Variants in IPO11 observed in about 807,000 individuals in gnomAD.
IPO11 encodes importin-11.
IPO11 carries 66 observed loss-of-function variants against 143.2 expected under a neutral mutation model. That is an observed-to-expected ratio of 0.46 (90% CI 0.38 to 0.57). The LOEUF (loss-of-function observed/expected upper bound fraction) is 0.57, where lower values mean the gene tolerates loss of function less well. Ranked by LOEUF, IPO11 falls within the 20% of genes least tolerant of loss-of-function variation. The pLI, the probability that IPO11 is intolerant of heterozygous loss-of-function variation, is 0.00. For synonymous variants in IPO11, 385 were observed against 377.8 expected (o/e 1.02, Z -0.22); for missense variants, 1,026 against 1,141.0 (o/e 0.90, Z 1.45).
At chr5:62,580,726 C>T (rs1310984188) in intron 27 of IPO11, 3 of 1,551,430 alleles carry the variant, frequency 1.9e-6, no homozygotes, top group Admixed American at 3.9e-5. Context: ...GACTACTGCG[C>T]TAATGATGGC....
chr5:62,551,234 A>G lies in IPO11; in HGVS notation c.2358A>G (p.Val786=), dbSNP rs371162393. The G allele has an allele frequency of 1.3e-5, 20 of 1,593,486 alleles. No homozygotes were observed. Among genetic ancestry groups the G allele is most frequent in the Non-Finnish European group, 1.6e-5 (19 of 1,162,752 alleles). Residue 786 remains valine (V), a synonymous_variant, in exon 26 of 30, where the codon GTA becomes GTG. Coordinates refer to ENST00000325324, the MANE Select transcript of IPO11 (RefSeq NM_016338.5). ...KGIIEGERYP[V]VMSTYLGVMG... Reference sequence around the variant, plus strand: ...TTTTAATTGTACAGAGGTATCCTGTAGTGATGTCCACGTATCTTGGAGTTA... The same window carrying G: ...TTTTAATTGTACAGAGGTATCCTGTGGTGATGTCCACGTATCTTGGAGTTA...
chr5:62,575,399 C>T (rs1037152410), intron 27 of IPO11, among the ~76,000 whole-genome samples: 1 of 152,198 alleles, frequency 6.6e-6, no homozygotes, highest in Non-Finnish European at 1.5e-5. Flanking sequence ...TCAGTACTTA[C>T]AGTCTAGGAC....
intron 29 of IPO11, among the ~76,000 whole-genome samples, chr5:62,607,297 A>G (rs962461270): frequency 6.6e-6 from 1 of 152,162 alleles, no homozygotes; most frequent in Admixed American, 6.6e-5. Flanking sequence ...AGTTGAAACT[A>G]TTTCATAAGG....
intron 24 of IPO11, among the ~76,000 whole-genome samples, chr5:62,548,553 C>T (rs1743288818): frequency 6.6e-6 from 1 of 152,130 alleles, no homozygotes; most frequent in Non-Finnish European, 1.5e-5. Context: ...CTTCGTTCTC[C>T]TGGATTGGGC....
intron 27 of IPO11, chr5:62,576,255 G>T (rs540260399): frequency 1.3e-5 from 2 of 156,586 alleles, no homozygotes; most frequent in South Asian, 1.8e-4. Flanking sequence ...GGCCTTGGAT[G>T]ACAGCCTTCC....
At chr5:62,561,860 A>G (rs1209496632) in intron 27 of IPO11, 1 of 152,202 alleles carries the variant, frequency 6.6e-6, no homozygotes, top group Non-Finnish European at 1.5e-5. Context: ...GTCAGTACCT[A>G]GTTCTCATTC....
chr5:62,494,053 A>C lies in IPO11; in HGVS notation c.1519A>C (p.Lys507Gln). ...GCTCATCGGTCAGTGGATTTCTGTG[A>C]AATTCAAGTCTGACTTAAGACCCAT... ...IWLIGQWISV[K>Q]FKSDLRPMLY... The change falls in exon 16 of 30, where the codon AAA becomes CAA. Residue 507 changes from lysine to glutamine, a missense_variant. Physicochemically the swap from Lys to Gln is moderately conservative, Grantham distance 53. Transcript: ENST00000325324. 1 of 1,613,666 alleles carries C rather than the reference A, an allele frequency of 6.2e-7. No individual in the cohort carries two copies. The highest frequency in any genetic ancestry group is 8.5e-7 in the Non-Finnish European group (1 of 1,179,728).
chr5:62,606,875 A>G (rs1018822938), intron 29 of IPO11, among the ~76,000 whole-genome samples: 1 of 152,246 alleles, frequency 6.6e-6, no homozygotes, highest in African/African-American at 2.4e-5. Flanking sequence ...AGGCTCCAGC[A>G]TATGTAAGTA....
Position 62,597,134 on chromosome 5 carries a change from A to G in IPO11, c.2679-4630A>G, listed in dbSNP as rs569728571. Among the ~76,000 whole-genome samples, 3 of 152,332 alleles carry G rather than the reference A, an allele frequency of 2.0e-5. No individual in the cohort carries two copies. The South Asian group carries it at 6.2e-4, about 32-fold the overall frequency. On this transcript the variant is annotated intron_variant, in intron 28 of 29. Coordinates refer to ENST00000325324, the MANE Select transcript of IPO11 (RefSeq NM_016338.5). ...TTTGAGACAGTGCAAAAGAAAGCAC[A>G]TGCTCATTATAACAGAAAACTATTA...
At chr5:62,529,621 A>G (rs1264966022) in intron 21 of IPO11, among the ~76,000 whole-genome samples, 4 of 152,212 alleles carry the variant, frequency 2.6e-5, no homozygotes, top group African/African-American at 4.8e-5. Flanking sequence ...ATAACAATCT[A>G]TTCTTTGTAT....
At chr5:62,595,108 C>T (rs1745168252) in intron 28 of IPO11, among the ~76,000 whole-genome samples, 1 of 152,212 alleles carries the variant, frequency 6.6e-6, no homozygotes. Context: ...AATGCAGATT[C>T]TCCTTCCTCA....
At chr5:62,438,403 A>T (rs1281995580) in intron 2 of IPO11, among the ~76,000 whole-genome samples, 1 of 152,202 alleles carries the variant, frequency 6.6e-6, no homozygotes, top group Non-Finnish European at 1.5e-5. Flanking sequence ...CTTATTCTTT[A>T]TGTAATCTTA....
At chr5:62,548,395 G>A (rs1743279804) in intron 24 of IPO11, among the ~76,000 whole-genome samples, 1 of 152,058 alleles carries the variant, frequency 6.6e-6, no homozygotes, top group Non-Finnish European at 1.5e-5. Flanking sequence ...TTCCAAGTTT[G>A]TAGCTGCTGC....
chr5:62,458,769 A>G lies in IPO11; in HGVS notation c.516+6836A>G, dbSNP rs570139223. ...AAGTTACTTTAGTGGAGGAGACTCA[A>G]GGTGACAGACTTGGTTCAAAAGAAA... is the stretch of plus-strand genomic sequence containing the variant. On this transcript the variant is annotated intron_variant, in intron 5 of 29. Transcript: ENST00000325324. Among the ~76,000 whole-genome samples, 18 of 152,348 alleles carry G rather than the reference A, an allele frequency of 1.2e-4. No homozygotes were observed. The South Asian group carries it at 3.7e-3, about 32-fold the overall frequency.
chr5:62,435,182 A>ATATATATGTATATATATGTATATATGTG (rs1744165374), intron 1 of IPO11, among the ~76,000 whole-genome samples: 1 of 101,056 alleles, frequency 9.9e-6, no homozygotes, highest in African/African-American at 4.5e-5. Flanking sequence ...GTATATATGT[A>ATATATATGTATATATATGTATATATGTG]TATATATGTA....
chr5:62,513,191 C>T (rs1293855536), intron 19 of IPO11, among the ~76,000 whole-genome samples: 5 of 151,348 alleles, frequency 3.3e-5, no homozygotes, highest in African/African-American at 1.2e-4. Context: ...GCTCCCGGAC[C>T]GGGTGGCTGG....
intron 28 of IPO11, among the ~76,000 whole-genome samples, chr5:62,597,566 C>T (rs577254854): frequency 3.3e-4 from 50 of 152,314 alleles, no homozygotes; most frequent in African/African-American, 1.2e-3. Flanking sequence ...AGTTGGCCAC[C>T]TATGATTGGC....
intron 27 of IPO11, among the ~76,000 whole-genome samples, chr5:62,585,598 T>C (rs943634281): frequency 1.3e-5 from 2 of 152,082 alleles, no homozygotes; most frequent in Non-Finnish European, 2.9e-5. Flanking sequence ...TTAAGTGTAA[T>C]GGAAAGTTAC....
At chr5:62,536,894 CAG>C (rs1272399489) in intron 23 of IPO11, 113 bp downstream of exon 23, 3 of 1,125,100 alleles carry the variant, frequency 2.7e-6, no homozygotes, top group African/African-American at 3.3e-5. Flanking sequence ...TATTTTAAGA[CAG>C]AGAAACATTG....
Sources: gnomAD v4.1 joint callset for allele counts (sites outside exome capture counted in the v4.1 genomes callset) on GRCh38, gnomAD v4.1.1 for gene constraint, MANE v1.5 for transcripts, NCBI Gene and HGNC (gene_info 2026-07-23, HGNC 2026-07-21) for gene names.